RCAN2: variants seen among roughly 807,000 people sequenced by gnomAD.
RCAN2 encodes the protein regulator of calcineurin 2.
Under a neutral mutation model 23.6 loss-of-function variants are expected in RCAN2, and 9 were observed. That is an observed-to-expected ratio of 0.38 (90% confidence interval 0.23 to 0.67). The LOEUF is 0.67. Among genes scored for constraint, RCAN2 ranks in the 30% least tolerant of loss-of-function variants. RCAN2 has a pLI of 0.51. For synonymous variants in RCAN2, 109 were observed against 115.7 expected, an observed-to-expected ratio of 0.94 and a Z score of 0.37; for missense variants, 273 against 302.3, an observed-to-expected ratio of 0.90 and a Z score of 0.72.
chr6:46,312,629 T>C (rs1165349882), intron 2 of RCAN2, among the ~76,000 whole-genome samples: 1 of 152,222 alleles, frequency 6.6e-6, no homozygotes, highest in Non-Finnish European at 1.5e-5. Flanking sequence ...CCAGAAACCT[T>C]ACCCTTGTTG....
chr6:46,224,861 C>T lies in RCAN2; in HGVS notation c.572-1560G>A, dbSNP rs568206943. Among the ~76,000 whole-genome samples, 4 of 151,794 alleles carry T rather than the reference C, an allele frequency of 2.6e-5. No homozygotes were observed. In the South Asian group the frequency reaches 8.4e-4, roughly 32 times the overall value. ...TGTGCAGGTTTGTTACATATGTATACATGTGCCATGTTGGTGTGCTACACC... is the reference window on the plus strand; with the variant it reads ...TGTGCAGGTTTGTTACATATGTATATATGTGCCATGTTGGTGTGCTACACC... On this transcript the variant is annotated intron_variant, in intron 4 of 4. Coordinates refer to ENST00000371374, the MANE Select transcript of RCAN2 (RefSeq NM_001251974.2).
intron 2 of RCAN2, among the ~76,000 whole-genome samples, chr6:46,317,378 G>A (rs1763473242): frequency 6.6e-6 from 1 of 152,166 alleles, no homozygotes; most frequent in African/African-American, 2.4e-5. Context: ...AGTGTTTTAA[G>A]CATCAGATGA....
At chr6:46,462,605 T>C (rs1210040762) in intron 1 of RCAN2, among the ~76,000 whole-genome samples, 1 of 152,004 alleles carries the variant, frequency 6.6e-6, no homozygotes, top group Non-Finnish European at 1.5e-5. Flanking sequence ...ATTTAATAAA[T>C]GTTGTATGAA....
intron 2 of RCAN2, among the ~76,000 whole-genome samples, chr6:46,348,612 G>A (rs950246700): frequency 6.6e-6 from 1 of 152,280 alleles, no homozygotes. Flanking sequence ...TGTTCCCACT[G>A]CTTGGTGAAC....
At chr6:46,226,407 C>T (rs530950239) in intron 4 of RCAN2, among the ~76,000 whole-genome samples, 46 of 152,268 alleles carry the variant, frequency 3.0e-4, no homozygotes, top group Admixed American at 1.0e-3. Flanking sequence ...TTGATTCTTC[C>T]TATCCATGAG....
intron 4 of RCAN2, among the ~76,000 whole-genome samples, chr6:46,235,087 C>T (rs376028737): frequency 2.0e-5 from 3 of 152,292 alleles, no homozygotes; most frequent in East Asian, 3.9e-4. Flanking sequence ...TTGGCCACCT[C>T]TTAAATTCTT....
At chr6:46,366,635 T>C (rs1765178150) in intron 2 of RCAN2, among the ~76,000 whole-genome samples, 2 of 152,124 alleles carry the variant, frequency 1.3e-5, no homozygotes, top group African/African-American at 4.8e-5. Context: ...ATATCTAATC[T>C]GGCTTCTCAT....
At chr6:46,335,602 C>T (rs1764117091) in intron 2 of RCAN2, among the ~76,000 whole-genome samples, 1 of 152,180 alleles carries the variant, frequency 6.6e-6, no homozygotes, top group South Asian at 2.1e-4. Context: ...GGGCAGGCAT[C>T]ATCCTAAACC....
At chr6:46,381,801 T>C (rs916445209) in intron 2 of RCAN2, among the ~76,000 whole-genome samples, 1 of 152,136 alleles carries the variant, frequency 6.6e-6, no homozygotes, top group Non-Finnish European at 1.5e-5. Flanking sequence ...ACTCAAGCCC[T>C]TTTTTGGCAT....
chr6:46,442,033 T>C (rs1274175180), intron 2 of RCAN2, among the ~76,000 whole-genome samples: 2 of 152,194 alleles, frequency 1.3e-5, no homozygotes, highest in Admixed American at 6.5e-5. Context: ...ACATCAAAAC[T>C]CTGACTTTCT....
At chr6:46,284,858 G>A (rs994718957) in intron 2 of RCAN2, among the ~76,000 whole-genome samples, 6 of 152,128 alleles carry the variant, frequency 3.9e-5, no homozygotes, top group African/African-American at 1.2e-4. Context: ...ATGAATTATG[G>A]GATATGGGAA....
At chr6:46,294,243 A>C (rs1422966493) in intron 2 of RCAN2, among the ~76,000 whole-genome samples, 1 of 152,194 alleles carries the variant, frequency 6.6e-6, no homozygotes. Flanking sequence ...TAAACATGAA[A>C]ACATGCTCAA....
At chr6:46,420,932 G>T (rs1766870826) in intron 2 of RCAN2, among the ~76,000 whole-genome samples, 1 of 152,156 alleles carries the variant, frequency 6.6e-6, no homozygotes, top group Admixed American at 6.5e-5. Flanking sequence ...CATCATTTAT[G>T]AATCAGCACT....
intron 2 of RCAN2, among the ~76,000 whole-genome samples, chr6:46,365,417 G>A (rs912919566): frequency 6.6e-6 from 1 of 151,560 alleles, no homozygotes; most frequent in Non-Finnish European, 1.5e-5. Context: ...TGGAGTTTGC[G>A]GTGAGCCGAG....
At chr6:46,249,318 T>TC (rs1554127260) in intron 2 of RCAN2, among the ~76,000 whole-genome samples, 2 of 9,566 alleles carry the variant, frequency 2.1e-4, no homozygotes, top group Non-Finnish European at 5.0e-4. Flanking sequence ...TCTTTCTTTC[T>TC]TTTTTTTTTT....
chr6:46,241,872 TAGTA>T (rs1377796915), intron 4 of RCAN2, among the ~76,000 whole-genome samples: 2 of 152,242 alleles, frequency 1.3e-5, no homozygotes, highest in African/African-American at 4.8e-5. Flanking sequence ...GCCTGGCACA[TAGTA>T]AGTAATTTAT....
chr6:46,252,720 CA>C (rs1766775603), intron 2 of RCAN2, among the ~76,000 whole-genome samples: 1 of 152,068 alleles, frequency 6.6e-6, no homozygotes, highest in South Asian at 2.1e-4. Context: ...TACATTTTTG[CA>C]AACCTATTTA....
At chr6:46,233,165 T>C (rs1441835030) in intron 4 of RCAN2, among the ~76,000 whole-genome samples, 1 of 152,226 alleles carries the variant, frequency 6.6e-6, no homozygotes, top group Non-Finnish European at 1.5e-5. Flanking sequence ...GGTGTTCTCA[T>C]TGTTGTTCAG....
chr6:46,227,882 G>T (rs1765730649), intron 4 of RCAN2, among the ~76,000 whole-genome samples: 1 of 152,134 alleles, frequency 6.6e-6, no homozygotes, highest in Non-Finnish European at 1.5e-5. Flanking sequence ...GTCAATTTTA[G>T]ATCTTTCCTG....
Sources: allele counts gnomAD v4.1 joint callset (sites outside exome capture counted in the v4.1 genomes callset), GRCh38; gene constraint gnomAD v4.1.1; transcripts MANE v1.5; gene names NCBI Gene and HGNC (gene_info 2026-07-23, HGNC 2026-07-21).